SPANXN1: variants seen among roughly 807,000 people sequenced by gnomAD.
The protein encoded by SPANXN1 is sperm protein associated with the nucleus on the X chromosome N1.
A neutral mutation model predicts 2.0 loss-of-function variants in SPANXN1; 1 was observed. That is an observed-to-expected ratio of 0.50 (90% CI 0.18 to 2.36). SPANXN1 has a LOEUF of 2.36. SPANXN1 is among the 30% of genes most tolerant of loss of function. SPANXN1 has a pLI of 0.26. For missense variants in SPANXN1, 55 were observed against 51.8 expected, an observed-to-expected ratio of 1.06 and a Z score of -0.19; for synonymous variants, 27 against 21.3, an observed-to-expected ratio of 1.27 and a Z score of -0.74.
chrX:145,247,922 T>A (rs1243934144), intron 1 of SPANXN1, among the ~76,000 whole-genome samples: 1 of 112,604 alleles, frequency 8.9e-6, no homozygotes, highest in African/African-American at 3.2e-5. Context: ...TCCAGTGGGA[T>A]GTCATTGTGG....
chrX:145,247,586 C>T lies in SPANXN1; in HGVS notation c.-1C>T, dbSNP rs782218537. 3.0e-5 allele frequency: 36 copies of T among 1,207,959 alleles called. No individual in the cohort carries two copies. The highest frequency in any genetic ancestry group is 3.6e-5 in the Non-Finnish European group (32 of 893,766). ...TAGACATTCTACAACCAACCAGAATCATGGAACAGCCCACTTCAAGCATCA... is the reference window on the plus strand; with the variant it reads ...TAGACATTCTACAACCAACCAGAATTATGGAACAGCCCACTTCAAGCATCA... On this transcript the variant is annotated 5_prime_UTR_variant, in exon 1 of 2. Coordinates refer to ENST00000370493, the MANE Select transcript of SPANXN1 (RefSeq NM_001009614.3).
chrX:145,255,232 G>A (rs2070803658), intron 1 of SPANXN1, among the ~76,000 whole-genome samples: 1 of 111,691 alleles, frequency 9.0e-6, no homozygotes, highest in Non-Finnish European at 1.9e-5. Flanking sequence ...TGCCAGGCAG[G>A]ATATTGATAA....
intron 1 of SPANXN1, among the ~76,000 whole-genome samples, chrX:145,249,517 T>C (rs183762297): frequency 3.6e-5 from 4 of 111,531 alleles, no homozygotes; most frequent in Admixed American, 2.9e-4. Context: ...GAGAGTGTTA[T>C]GGGCTAGGGT....
At chrX:145,251,756 G>A (rs111267976) in intron 1 of SPANXN1, among the ~76,000 whole-genome samples, 2 of 110,996 alleles carry the variant, frequency 1.8e-5, no homozygotes, top group Non-Finnish European at 3.8e-5. Context: ...CTGGGTTTGG[G>A]GATTTTAGGA....
chrX:145,255,754 G>A lies in SPANXN1; in HGVS notation c.159G>A (p.Ala53=), dbSNP rs782807503. 9 of 1,210,681 alleles carry A rather than the reference G, an allele frequency of 7.4e-6. No individual in the cohort carries two copies. Among genetic ancestry groups the A allele is most frequent in the East Asian group, 5.9e-5 (2 of 33,790 alleles). ...MKTSEYSTVL[A]FCYRKAKKIH... is the part of the protein sequence containing the mutation. ...CGTCAGAATATTCAACAGTATTAGC[G>A]TTTTGCTACAGGAAAGCTAAGAAAA... Residue 53 remains alanine (A), a synonymous_variant, in exon 2 of 2, where the codon GCG becomes GCA. Coordinates refer to ENST00000370493, the MANE Select transcript of SPANXN1 (RefSeq NM_001009614.3).
intron 1 of SPANXN1, among the ~76,000 whole-genome samples, chrX:145,250,649 C>T (rs1451578045): frequency 1.1e-4 from 12 of 111,600 alleles, no homozygotes; most frequent in African/African-American, 3.6e-4. Flanking sequence ...GGCGCCAGTC[C>T]GGGCAAGTGG....
At position 145,247,584 on chromosome X, in the gene SPANXN1, A is replaced by G. The variant is rs6627085; in HGVS notation, c.-3A>G. Reference sequence around the variant, plus strand: ...TATAGACATTCTACAACCAACCAGAATCATGGAACAGCCCACTTCAAGCAT... The same window carrying G: ...TATAGACATTCTACAACCAACCAGAGTCATGGAACAGCCCACTTCAAGCAT... On this transcript the variant is annotated 5_prime_UTR_variant, in exon 1 of 2. Coordinates refer to ENST00000370493, the MANE Select transcript of SPANXN1 (RefSeq NM_001009614.3). 17,360 of 1,207,227 alleles carry G rather than the reference A, an allele frequency of 0.014. 1,562 individuals carry two copies. The African/African-American group carries it at 0.26, about 18-fold the overall frequency.
chrX:145,253,114 C>T (rs1556882675), intron 1 of SPANXN1, among the ~76,000 whole-genome samples: 2 of 110,995 alleles, frequency 1.8e-5, no homozygotes, highest in Non-Finnish European at 3.8e-5. Flanking sequence ...TGAAGAGTTT[C>T]ACTGAGCACA....
chrX:145,256,051 T>G lies in SPANXN1; in HGVS notation c.*237T>G. The G allele has an allele frequency of 1.7e-6, 1 of 571,684 alleles. No individual in the cohort carries two copies. The allele number at this position is 571,684 out of a possible 1,213,427, so 47.1% of individuals were successfully genotyped here. ...AAGACCTAGACTTACCTGAAGGATC[T>G]TCACAGGAGGATAAAGACGTAGAAT... On this transcript the variant is annotated 3_prime_UTR_variant, in exon 2 of 2. Coordinates refer to ENST00000370493, the MANE Select transcript of SPANXN1 (RefSeq NM_001009614.3).
intron 1 of SPANXN1, among the ~76,000 whole-genome samples, chrX:145,254,889 G>A (rs1556882904): frequency 9.0e-6 from 1 of 111,643 alleles, no homozygotes; most frequent in Non-Finnish European, 1.9e-5. Context: ...AGAGTATAAG[G>A]GGAATGGAAC....
chrX:145,254,362 T>G (rs376913402), intron 1 of SPANXN1, among the ~76,000 whole-genome samples: 1 of 112,077 alleles, frequency 8.9e-6, no homozygotes, highest in African/African-American at 3.2e-5. Context: ...GTTGAATGTT[T>G]TGTTTTTTTG....
chrX:145,253,116 C>G (rs2070792953), intron 1 of SPANXN1, among the ~76,000 whole-genome samples: 1 of 111,063 alleles, frequency 9.0e-6, no homozygotes. Flanking sequence ...AAGAGTTTCA[C>G]TGAGCACAGT....
intron 1 of SPANXN1, among the ~76,000 whole-genome samples, chrX:145,249,735 G>C (rs1167449187): frequency 9.0e-6 from 1 of 110,791 alleles, no homozygotes; most frequent in Non-Finnish European, 1.9e-5. Flanking sequence ...CTCCACTTAG[G>C]TTGGAGAGGG....
Position 145,249,775 on chromosome X carries a change from T to C in SPANXN1, c.75+2114T>C, listed in dbSNP as rs782762854. ...GGAGGAGTCTGTGATTCAGACCCAGTCCCCTGGTTGTAGGGACAGGGAGGA... is the reference window on the plus strand; with the variant it reads ...GGAGGAGTCTGTGATTCAGACCCAGCCCCCTGGTTGTAGGGACAGGGAGGA... On this transcript the variant is annotated intron_variant, in intron 1 of 1. Transcript: ENST00000370493. 4.9e-3 allele frequency among the ~76,000 whole-genome samples: 541 copies of C among 111,035 alleles called. 2 individuals carry two copies. Among genetic ancestry groups the C allele is most frequent in the African/African-American group, 0.016 (478 of 30,420 alleles).
At chrX:145,250,650 G>A (rs141295023) in intron 1 of SPANXN1, among the ~76,000 whole-genome samples, 1,857 of 111,693 alleles carry the variant, frequency 0.017, 15 homozygotes, top group Middle Eastern at 0.046. Context: ...GCGCCAGTCC[G>A]GGCAAGTGGG....
chrX:145,249,073 A>T (rs1459166675), intron 1 of SPANXN1, among the ~76,000 whole-genome samples: 7 of 111,520 alleles, frequency 6.3e-5, no homozygotes, highest in Non-Finnish European at 1.1e-4. Flanking sequence ...GGGAAAGGTG[A>T]TTAGCCGAGC....
At chrX:145,255,595 G>GC (rs782493628) in intron 1 of SPANXN1, 76 bp from the exon 2 acceptor site, 1 of 1,182,916 alleles carries the variant, frequency 8.5e-7, no homozygotes, top group African/African-American at 1.9e-5. Context: ...TTCTCATAAA[G>GC]CCCCCCTTGC....
In SPANXN1 at chrX:145,256,182, G is replaced by T; in HGVS notation, c.*368G>T. ...GAAATTACAGAAATTCTCCAAGGAA[G>T]GAGCCAGATAAATAAATATTCTGAT... On this transcript the variant is annotated 3_prime_UTR_variant, in exon 2 of 2. Coordinates refer to ENST00000370493, the MANE Select transcript of SPANXN1 (RefSeq NM_001009614.3). The T allele has an allele frequency of 2.7e-6, 1 of 366,577 alleles. No individual in the cohort carries two copies. Among genetic ancestry groups the T allele is most frequent in the Non-Finnish European group, 4.8e-6 (1 of 206,804 alleles). The allele number at this position is 366,577 out of a possible 1,213,427, so 30.2% of individuals were successfully genotyped here.
Position 145,247,995 on chromosome X carries a change from C to T in SPANXN1, c.75+334C>T, listed in dbSNP as rs147766610. On this transcript the variant is annotated intron_variant, in intron 1 of 1. Coordinates refer to ENST00000370493, the MANE Select transcript of SPANXN1 (RefSeq NM_001009614.3). ...AAGTTTCTTTAGTTGGACCTTTGTC[C>T]GTCTTGTGTTACGATGATTAGGCAA... 8.0e-3 allele frequency among the ~76,000 whole-genome samples: 894 copies of T among 111,960 alleles called. 5 individuals carry two copies. The highest frequency in any genetic ancestry group is 0.016 in the African/African-American group (494 of 30,731).
Sources: gnomAD v4.1 joint callset for allele counts (sites outside exome capture counted in the v4.1 genomes callset) on GRCh38, gnomAD v4.1.1 for gene constraint, MANE v1.5 for transcripts, NCBI Gene and HGNC (gene_info 2026-07-23, HGNC 2026-07-21) for gene names.